Variants in ATRN observed in about 807,000 individuals in gnomAD.
The protein encoded by ATRN is attractin-2.
ATRN carries 54 observed loss-of-function variants against 178.7 expected under a neutral mutation model. The ratio of observed to expected loss-of-function variants is 0.30; its 90% CI spans 0.24 to 0.38. The LOEUF is 0.38. ATRN is among the 10% of genes least tolerant of loss of function. ATRN has a pLI of 1.00. For missense variants in ATRN, 1,443 were observed against 1,815.1 expected (o/e 0.79, Z 3.73); for synonymous variants, 636 against 663.0 (o/e 0.96, Z 0.63).
At chr20:3,586,778 T>C (rs1434734268) in intron 18 of ATRN, among the ~76,000 whole-genome samples, 5 of 152,234 alleles carry the variant, frequency 3.3e-5, no homozygotes, top group Non-Finnish European at 5.9e-5. Flanking sequence ...TGTTTAGTGG[T>C]TTCCTAGGGC....
chr20:3,631,696 C>T (rs1246895486), intron 25 of ATRN, among the ~76,000 whole-genome samples: 6 of 152,194 alleles, frequency 3.9e-5, no homozygotes, highest in African/African-American at 7.2e-5. Context: ...GACTGTATTA[C>T]GGGTGGACCC....
intron 10 of ATRN, among the ~76,000 whole-genome samples, chr20:3,565,118 G>A (rs1253301329): frequency 6.6e-6 from 1 of 152,122 alleles, no homozygotes; most frequent in Non-Finnish European, 1.5e-5. Context: ...AGATGTCATG[G>A]ATTTCGGGTG....
In ATRN at chr20:3,624,588, C is replaced by G. The variant is rs369446052; in HGVS notation, c.3863+16C>G. Reference sequence around the variant, plus strand: ...CTTTCTTCAGGTAATTTTGCTTATACAGACTCTCTCTGTTCTTTTGATTTA... The same window carrying G: ...CTTTCTTCAGGTAATTTTGCTTATAGAGACTCTCTCTGTTCTTTTGATTTA... On this transcript the variant is annotated intron_variant, in intron 25 of 28. Coordinates refer to ENST00000262919, the MANE Select transcript of ATRN (RefSeq NM_139321.3). 7.5e-6 allele frequency: 12 copies of G among 1,599,398 alleles called. No homozygotes were observed. Among genetic ancestry groups the G allele is most frequent in the Non-Finnish European group, 1.0e-5 (12 of 1,166,958 alleles).
intron 11 of ATRN, among the ~76,000 whole-genome samples, chr20:3,572,203 A>G (rs1600118045): frequency 6.6e-6 from 1 of 152,304 alleles, no homozygotes; most frequent in South Asian, 2.1e-4. Context: ...TGTGCTTTAA[A>G]TTTGTACATT....
chr20:3,628,065 G>A (rs1329454795), intron 25 of ATRN, among the ~76,000 whole-genome samples: 2 of 152,086 alleles, frequency 1.3e-5, no homozygotes, highest in African/African-American at 2.4e-5. Flanking sequence ...CCAGCTACTC[G>A]GGAGGCTGAG....
chr20:3,518,792 A>G (rs1248570755), intron 1 of ATRN, among the ~76,000 whole-genome samples: 6 of 152,038 alleles, frequency 3.9e-5, no homozygotes, highest in African/African-American at 1.5e-4. Context: ...TACTTAAAAA[A>G]TACATAACCA....
In ATRN at chr20:3,535,282, A is replaced by C; in HGVS notation, c.440A>C (p.Asp147Ala). 6.5e-7 allele frequency: 1 copy of C among 1,544,274 alleles called. No individual in the cohort carries two copies. The highest frequency in any genetic ancestry group is 8.8e-7 in the Non-Finnish European group (1 of 1,137,998). Residue 147 changes from aspartate (D) to alanine (A), a missense_variant, in exon 2 of 29, where the codon GAT (aspartate) becomes GCT (alanine). By Grantham distance (126) the Asp-to-Ala change is moderately radical. This residue lies in a region of ATRN where 862 missense variants were observed against 972.1 expected (regional missense o/e 0.89). Transcript: ENST00000262919. ...RLTGSSGFVT[D>A]GPGNYKYKTK... ...ACTGGATCTTCTGGGTTTGTGACAG[A>C]TGGACCTGGAAATTATAAATACAAA...
At chr20:3,521,196 AC>A (rs1224393534) in intron 1 of ATRN, among the ~76,000 whole-genome samples, 1 of 152,202 alleles carries the variant, frequency 6.6e-6, no homozygotes, top group East Asian at 1.9e-4. Flanking sequence ...TCAGAAAAAA[AC>A]ATTTTGGAAT....
chr20:3,538,347 C>T (rs993373796), intron 2 of ATRN, among the ~76,000 whole-genome samples: 29 of 152,144 alleles, frequency 1.9e-4, no homozygotes, highest in African/African-American at 7.0e-4. Flanking sequence ...CACCATTTCT[C>T]CTTGAACCAT....
At chr20:3,498,297 A>G (rs2084908856) in intron 1 of ATRN, among the ~76,000 whole-genome samples, 1 of 152,244 alleles carries the variant, frequency 6.6e-6, no homozygotes, top group African/African-American at 2.4e-5. Context: ...ATTCCAGTCA[A>G]TAGAAAAAGA....
chr20:3,576,728 T>A (rs1209015152), intron 13 of ATRN, 131 bp from the exon 14 acceptor site: 1 of 735,112 alleles, frequency 1.4e-6, no homozygotes, highest in East Asian at 2.6e-5. Context: ...TATCTATCTA[T>A]CTATCTGTCT....
chr20:3,634,514 T>A, intron 26 of ATRN, 125 bp downstream of exon 26: 2 of 772,274 alleles, frequency 2.6e-6, no homozygotes, highest in South Asian at 3.6e-5. Flanking sequence ...ACGGAAGGAA[T>A]AATGCAGCCC....
intron 1 of ATRN, chr20:3,489,788 G>A (rs2084758629): frequency 2.3e-6 from 3 of 1,304,566 alleles, no homozygotes; most frequent in African/African-American, 2.9e-5. Flanking sequence ...TGCGCCCTTG[G>A]TAGGTGTAGT....
At position 3,584,893 on chromosome 20, in the gene ATRN, G is replaced by A. The variant is rs371301510; in HGVS notation, c.3184+13G>A. The A allele has an allele frequency of 1.2e-5, 19 of 1,609,336 alleles. No homozygotes were observed. In the Middle Eastern group the frequency reaches 5.0e-4, roughly 42 times the overall value. On this transcript the variant is annotated intron_variant, in intron 18 of 28. Coordinates refer to ENST00000262919, the MANE Select transcript of ATRN (RefSeq NM_139321.3). ...ATTCACTGTCCAGGTAAGATGCCTT[G>A]CATATCCAAATTCAAGTGTTTCACT...
intron 8 of ATRN, among the ~76,000 whole-genome samples, chr20:3,561,277 T>G (rs535851133): frequency 1.3e-5 from 2 of 152,206 alleles, no homozygotes; most frequent in African/African-American, 4.8e-5. Context: ...GAGCCAAGAT[T>G]GCACCACTGC....
chr20:3,637,238 T>C (rs189755683), intron 26 of ATRN, among the ~76,000 whole-genome samples: 104 of 152,326 alleles, frequency 6.8e-4, no homozygotes, highest in Non-Finnish European at 1.3e-3. Context: ...TTATTCCCTC[T>C]CAGAATTGTA....
At chr20:3,612,838 T>C (rs2086784875) in intron 24 of ATRN, among the ~76,000 whole-genome samples, 1 of 152,202 alleles carries the variant, frequency 6.6e-6, no homozygotes, top group African/African-American at 2.4e-5. Context: ...ACTTTTTAGA[T>C]TCTTAGTGAA....
At chr20:3,594,611 G>C in intron 20 of ATRN, 39 bp downstream of exon 20, 3 of 1,554,824 alleles carry the variant, frequency 1.9e-6, no homozygotes, top group Non-Finnish European at 2.6e-6. Flanking sequence ...GGAGGACCAA[G>C]AGGCTGTGCA....
chr20:3,519,103 G>A (rs1316868795), intron 1 of ATRN, among the ~76,000 whole-genome samples: 1 of 151,642 alleles, frequency 6.6e-6, no homozygotes, highest in African/African-American at 2.4e-5. Context: ...GTAGCAAGAG[G>A]CAAGGACCAT....
Sources: gnomAD v4.1 joint callset for allele counts (sites outside exome capture counted in the v4.1 genomes callset) on GRCh38, gnomAD v4.1.1 for gene constraint, gnomAD v4.1.1 regional missense constraint, MANE v1.5 for transcripts, NCBI Gene and HGNC (gene_info 2026-07-23, HGNC 2026-07-21) for gene names.